Variants in SLC5A3 observed in about 807,000 individuals in gnomAD.
SLC5A3 encodes the protein solute carrier family 5 member 3.
SLC5A3 carries 10 observed loss-of-function variants against 43.2 expected under a neutral mutation model. The ratio of observed to expected loss-of-function variants is 0.23; its 90% CI spans 0.14 to 0.39. The LOEUF (loss-of-function observed/expected upper bound fraction) is 0.39, where lower values mean the gene tolerates loss of function less well. Ranked by LOEUF, SLC5A3 falls within the 10% of genes least tolerant of loss-of-function variation. The pLI is 1.00. For synonymous variants in SLC5A3, 349 were observed against 322.0 expected, an observed-to-expected ratio of 1.08 and a Z score of -0.90; for missense variants, 608 against 893.4, an observed-to-expected ratio of 0.68 and a Z score of 4.07.
At position 34,102,248 on chromosome 21, in the gene SLC5A3, C is replaced by A. The variant is rs187620597; in HGVS notation, c.*4893C>A. The A allele has an allele frequency of 8.0e-6, 8 of 999,522 alleles. No individual in the cohort carries two copies. In the Admixed American group the frequency reaches 4.9e-4, roughly 61 times the overall value. 61.9% of individuals were successfully genotyped at this position (999,522 alleles called of 1,614,324 possible). On this transcript the variant is annotated 3_prime_UTR_variant, in exon 2 of 2. Transcript: ENST00000381151. ...TAACTGGCTTTGCCAGTGGTGAGTC[C>A]CACACCATTATTCACTTAGTAGTCA...
intron 1 of SLC5A3, among the ~76,000 whole-genome samples, chr21:34,092,299 G>A (rs574103028): frequency 2.6e-5 from 4 of 152,162 alleles, no homozygotes; most frequent in Non-Finnish European, 4.4e-5. Flanking sequence ...TTTTGGTTTT[G>A]TTTTTCCTTT....
Position 34,105,967 on chromosome 21 carries a change from T to C in SLC5A3, c.*8612T>C, listed in dbSNP as rs775767821. On this transcript the variant is annotated 3_prime_UTR_variant, in exon 2 of 2. Transcript: ENST00000381151. ...TTAAAATTGTAAACATGTATGATCT[T>C]GGTTTCATGTGTTTTTGAAAGTGTT... The C allele has an allele frequency of 2.0e-6, 2 of 993,656 alleles. No individual in the cohort carries two copies. The highest frequency in any genetic ancestry group is 1.2e-4 in the Admixed American group (2 of 16,262). The allele number at this position is 993,656 out of a possible 1,614,324, so 61.6% of individuals were successfully genotyped here. A position where few individuals can be genotyped will look rare whatever the true frequency, so the allele number is the denominator to read the frequency against.
Position 34,103,622 on chromosome 21 carries a change from C to CT in SLC5A3, c.*6268dup. On this transcript the variant is annotated 3_prime_UTR_variant, in exon 2 of 2. Transcript: ENST00000381151. ...GTACCCACACATAGAAAGCACAAGA[C>CT]TAATAGTATTCTCTGTATCCCACAA... is the stretch of plus-strand genomic sequence containing the variant. The CT allele has an allele frequency of 1.0e-6, 1 of 1,000,034 alleles. No individual in the cohort carries two copies. Among genetic ancestry groups the CT allele is most frequent in the African/African-American group, 1.7e-5 (1 of 57,322 alleles). The allele number at this position is 1,000,034 out of a possible 1,614,324, so 61.9% of individuals were successfully genotyped here.
At position 34,105,288 on chromosome 21, in the gene SLC5A3, T is replaced by C. The variant is rs533349314; in HGVS notation, c.*7933T>C. Reference sequence around the variant, plus strand: ...TGTTGGCAATCATGTATGAACTGTGTTATACTTCTCAGTGCTTTCTTTTTT... The same window carrying C: ...TGTTGGCAATCATGTATGAACTGTGCTATACTTCTCAGTGCTTTCTTTTTT... On this transcript the variant is annotated 3_prime_UTR_variant, in exon 2 of 2. Coordinates refer to ENST00000381151, the MANE Select transcript of SLC5A3 (RefSeq NM_006933.7). 2.0e-6 allele frequency: 2 copies of C among 1,000,138 alleles called. No homozygotes were observed. The highest frequency in any genetic ancestry group is 2.4e-6 in the Non-Finnish European group (2 of 829,854). The allele number at this position is 1,000,138 out of a possible 1,614,324, so 62.0% of individuals were successfully genotyped here. A position where few individuals can be genotyped will look rare whatever the true frequency, so the allele number is the denominator to read the frequency against.
At position 34,102,262 on chromosome 21, in the gene SLC5A3, A is replaced by C; in HGVS notation, c.*4907A>C. ...AGTGGTGAGTCCCACACCATTATTC[A>C]CTTAGTAGTCATATAAATGTTTTTA... On this transcript the variant is annotated 3_prime_UTR_variant, in exon 2 of 2. Coordinates refer to ENST00000381151, the MANE Select transcript of SLC5A3 (RefSeq NM_006933.7). 1 of 999,910 alleles carries C rather than the reference A, an allele frequency of 1.0e-6. No homozygotes were observed. The highest frequency in any genetic ancestry group is 1.2e-6 in the Non-Finnish European group (1 of 829,812). 61.9% of individuals were successfully genotyped at this position (999,910 alleles called of 1,614,324 possible).
At chr21:34,082,813 T>C (rs1014368670) in intron 1 of SLC5A3, among the ~76,000 whole-genome samples, 1 of 152,236 alleles carries the variant, frequency 6.6e-6, no homozygotes, top group African/African-American at 2.4e-5. Flanking sequence ...AGGTTGTTCT[T>C]ACGTACGTTT....
Position 34,099,885 on chromosome 21 carries a change from A to G in SLC5A3, c.*2530A>G, listed in dbSNP as rs1436138827. 5.6e-6 allele frequency: 2 copies of G among 359,532 alleles called. No individual in the cohort carries two copies. The highest frequency in any genetic ancestry group is 8.2e-6 in the Non-Finnish European group (2 of 244,822). The allele number at this position is 359,532 out of a possible 1,614,324, so 22.3% of individuals were successfully genotyped here. A position where few individuals can be genotyped will look rare whatever the true frequency, so the allele number is the denominator to read the frequency against. On this transcript the variant is annotated 3_prime_UTR_variant, in exon 2 of 2. Transcript: ENST00000381151. ...TTCTTATTGCTTCCCAGTAATAGAT[A>G]ATGTGCTCGAGTAAGTTTGTGAATT...
At chr21:34,088,554 C>G (rs1047536040) in intron 1 of SLC5A3, among the ~76,000 whole-genome samples, 1 of 152,234 alleles carries the variant, frequency 6.6e-6, no homozygotes, top group Non-Finnish European at 1.5e-5. Context: ...TCAAGCACAA[C>G]TTTTTAAACA....
Position 34,106,022 on chromosome 21 carries a change from G to C in SLC5A3, c.*8667G>C. On this transcript the variant is annotated 3_prime_UTR_variant, in exon 2 of 2. Coordinates refer to ENST00000381151, the MANE Select transcript of SLC5A3 (RefSeq NM_006933.7). ...TTTAAAAAATGAAAAAAGCATATCTGCTAAAGAGCTGTCAGTTTTCATTAC... is the reference window on the plus strand; with the variant it reads ...TTTAAAAAATGAAAAAAGCATATCTCCTAAAGAGCTGTCAGTTTTCATTAC... 2 of 994,962 alleles carry C rather than the reference G, an allele frequency of 2.0e-6. No individual in the cohort carries two copies. Among genetic ancestry groups the C allele is most frequent in the Non-Finnish European group, 2.4e-6 (2 of 825,142 alleles). The allele number at this position is 994,962 out of a possible 1,614,324, so 61.6% of individuals were successfully genotyped here.
Position 34,073,579 on chromosome 21 carries a change from C to G in SLC5A3, c.-503C>G. The G allele has an allele frequency of 1.2e-6, 1 of 809,862 alleles. No homozygotes were observed. Among genetic ancestry groups the G allele is most frequent in the Non-Finnish European group, 1.9e-6 (1 of 532,736 alleles). The allele number at this position is 809,862 out of a possible 1,614,324, so 50.2% of individuals were successfully genotyped here. A position where few individuals can be genotyped will look rare whatever the true frequency, so the allele number is the denominator to read the frequency against. ...CCCGGGCTCGCGCTCTCGGACCGTG[C>G]TTTCGCCGCCTGGGAGCCGTCCGGC... is the stretch of plus-strand genomic sequence containing the variant. On this transcript the variant is annotated 5_prime_UTR_variant, in exon 1 of 2. Coordinates refer to ENST00000381151, the MANE Select transcript of SLC5A3 (RefSeq NM_006933.7).
Position 34,100,075 on chromosome 21 carries a change from G to C in SLC5A3, c.*2720G>C. ...GACATTGGTCTTTAGACATTAACAT[G>C]TGTATATTTTTATATTAGCTCAAGC... On this transcript the variant is annotated 3_prime_UTR_variant, in exon 2 of 2. Transcript: ENST00000381151. The C allele has an allele frequency of 1.0e-6, 1 of 997,484 alleles. No individual in the cohort carries two copies. The highest frequency in any genetic ancestry group is 1.2e-6 in the Non-Finnish European group (1 of 827,572). The allele number at this position is 997,484 out of a possible 1,614,324, so 61.8% of individuals were successfully genotyped here. A position where few individuals can be genotyped will look rare whatever the true frequency, so the allele number is the denominator to read the frequency against.
Position 34,103,373 on chromosome 21 carries a change from G to C in SLC5A3, c.*6018G>C. ...ATACTTTATGTGCAGCCTTTATTTA[G>C]GTTCAGTGAAACCAGGTAGTTCTGT... is the stretch of plus-strand genomic sequence containing the variant. On this transcript the variant is annotated 3_prime_UTR_variant, in exon 2 of 2. Transcript: ENST00000381151. 1.0e-6 allele frequency: 1 copy of C among 995,460 alleles called. No individual in the cohort carries two copies. Among genetic ancestry groups the C allele is most frequent in the Non-Finnish European group, 1.2e-6 (1 of 827,760 alleles). 61.7% of individuals were successfully genotyped at this position (995,460 alleles called of 1,614,324 possible).
Position 34,105,954 on chromosome 21 carries a change from A to T in SLC5A3, c.*8599A>T. 1 of 993,280 alleles carries T rather than the reference A, an allele frequency of 1.0e-6. No individual in the cohort carries two copies. The highest frequency in any genetic ancestry group is 1.7e-5 in the African/African-American group (1 of 57,244). The allele number at this position is 993,280 out of a possible 1,614,324, so 61.5% of individuals were successfully genotyped here. A position where few individuals can be genotyped will look rare whatever the true frequency, so the allele number is the denominator to read the frequency against. On this transcript the variant is annotated 3_prime_UTR_variant, in exon 2 of 2. Transcript: ENST00000381151. ...ACAATCTGATTTTTTAAAATTGTAA[A>T]CATGTATGATCTTGGTTTCATGTGT... is the stretch of plus-strand genomic sequence containing the variant.
chr21:34,090,836 A>T (rs1166950487), intron 1 of SLC5A3, among the ~76,000 whole-genome samples: 1 of 152,246 alleles, frequency 6.6e-6, no homozygotes. Flanking sequence ...GTGACGGAGC[A>T]TGGAACCCAG....
Position 34,100,067 on chromosome 21 carries a change from A to G in SLC5A3, c.*2712A>G, listed in dbSNP as rs1979164822. ...TAAATGATGACATTGGTCTTTAGACATTAACATGTGTATATTTTTATATTA... is the reference window on the plus strand; with the variant it reads ...TAAATGATGACATTGGTCTTTAGACGTTAACATGTGTATATTTTTATATTA... On this transcript the variant is annotated 3_prime_UTR_variant, in exon 2 of 2. Transcript: ENST00000381151. The G allele has an allele frequency of 1.0e-6, 1 of 996,870 alleles. No individual in the cohort carries two copies. Among genetic ancestry groups the G allele is most frequent in the Non-Finnish European group, 1.2e-6 (1 of 827,052 alleles). The allele number at this position is 996,870 out of a possible 1,614,324, so 61.8% of individuals were successfully genotyped here. A position where few individuals can be genotyped will look rare whatever the true frequency, so the allele number is the denominator to read the frequency against.
intron 1 of SLC5A3, among the ~76,000 whole-genome samples, chr21:34,086,078 A>T (rs939438006): frequency 9.9e-5 from 15 of 152,006 alleles, no homozygotes; most frequent in Admixed American, 7.9e-4. Context: ...TAAGTCTCTT[A>T]CTCTGTAATA....
chr21:34,092,830 A>G (rs1978774105), intron 1 of SLC5A3, among the ~76,000 whole-genome samples: 1 of 152,174 alleles, frequency 6.6e-6, no homozygotes, highest in Admixed American at 6.5e-5. Flanking sequence ...TTTGGAAAGC[A>G]CGTGGTTGCT....
rs1314869007 is a variant in SLC5A3 at position 34,099,536 on chromosome 21, A to G, written c.*2181A>G. On this transcript the variant is annotated 3_prime_UTR_variant, in exon 2 of 2. Transcript: ENST00000381151. ...CCACATTACTGTGTAATTCACTGATAATTGACATATTGGCTGGGCAGCCTA... is the reference window on the plus strand; with the variant it reads ...CCACATTACTGTGTAATTCACTGATGATTGACATATTGGCTGGGCAGCCTA... 2 of 999,742 alleles carry G rather than the reference A, an allele frequency of 2.0e-6. No individual in the cohort carries two copies. Among genetic ancestry groups the G allele is most frequent in the Non-Finnish European group, 2.4e-6 (2 of 829,632 alleles). The allele number at this position is 999,742 out of a possible 1,614,324, so 61.9% of individuals were successfully genotyped here.
chr21:34,074,975 C>T (rs1989291644), intron 1 of SLC5A3, among the ~76,000 whole-genome samples: 1 of 152,210 alleles, frequency 6.6e-6, no homozygotes, highest in Non-Finnish European at 1.5e-5. Flanking sequence ...TTGTGTCCCC[C>T]AGCTTGTTCT....
Sources: allele counts gnomAD v4.1 joint callset (sites outside exome capture counted in the v4.1 genomes callset), GRCh38; gene constraint gnomAD v4.1.1; transcripts MANE v1.5; gene names NCBI Gene and HGNC (gene_info 2026-07-23, HGNC 2026-07-21).